CRYL1: variants seen among roughly 807,000 people sequenced by gnomAD.
CRYL1 encodes the protein lambda-crystallin homolog.
In CRYL1, 29 loss-of-function variants were observed where a neutral mutation model predicts 36.6. The observed-to-expected ratio is 0.79, with a 90% CI of 0.59 to 1.08. The LOEUF (loss-of-function observed/expected upper bound fraction) is 1.08, where lower values mean the gene tolerates loss of function less well. CRYL1 is among the 50% of genes least tolerant of loss of function. The probability of loss-of-function intolerance (pLI) is 0.00; values close to 1 mark genes in which losing one functional copy is unlikely to be tolerated. For synonymous variants in CRYL1, 152 were observed against 151.5 expected (o/e 1.00, Z -0.02); for missense variants, 411 against 407.9 (o/e 1.01, Z -0.06).
intron 5 of CRYL1, among the ~76,000 whole-genome samples, chr13:20,417,423 G>A (rs546144020): frequency 1.3e-5 from 2 of 152,268 alleles, no homozygotes; most frequent in Admixed American, 1.3e-4. Flanking sequence ...TGCGGAGATG[G>A]GAACCCTACC....
At chr13:20,426,851 G>A in intron 5 of CRYL1, 6 of 985,442 alleles carry the variant, frequency 6.1e-6, no homozygotes, top group Non-Finnish European at 7.2e-6. Flanking sequence ...CACCCACCCT[G>A]ACAAATCAAG....
intron 4 of CRYL1, among the ~76,000 whole-genome samples, chr13:20,437,163 A>G (rs2032240059): frequency 2.6e-5 from 4 of 151,080 alleles, no homozygotes; most frequent in Non-Finnish European, 5.9e-5. Context: ...GAGAAAGAAT[A>G]AAAAAAGAGA....
intron 3 of CRYL1, among the ~76,000 whole-genome samples, chr13:20,458,436 C>T (rs2032733327): frequency 6.6e-6 from 1 of 152,186 alleles, no homozygotes; most frequent in Non-Finnish European, 1.5e-5. Flanking sequence ...GAAATCTTAA[C>T]ATCTAGACCA....
chr13:20,496,758 T>C (rs2033610848), intron 2 of CRYL1, among the ~76,000 whole-genome samples: 1 of 146,376 alleles, frequency 6.8e-6, no homozygotes, highest in Non-Finnish European at 1.5e-5. Context: ...GGTAGGAGGA[T>C]CACTTGAGCC....
At chr13:20,503,060 C>T (rs1001625627) in intron 2 of CRYL1, among the ~76,000 whole-genome samples, 1 of 152,156 alleles carries the variant, frequency 6.6e-6, no homozygotes, top group Non-Finnish European at 1.5e-5. Context: ...AATCCTGCCG[C>T]CCAGAGTCAA....
intron 3 of CRYL1, among the ~76,000 whole-genome samples, chr13:20,467,058 C>T (rs1407456712): frequency 6.6e-6 from 1 of 151,934 alleles, no homozygotes; most frequent in East Asian, 1.9e-4. Context: ...CACCATTCTC[C>T]TGCCTCAGCC....
intron 3 of CRYL1, among the ~76,000 whole-genome samples, chr13:20,462,419 C>T (rs530172630): frequency 6.6e-6 from 1 of 150,754 alleles, no homozygotes; most frequent in Non-Finnish European, 1.5e-5. Context: ...GCTCTGGAAT[C>T]CAGCCAGGCC....
rs565154350 is a variant in CRYL1, at chr13:20,415,328, C to T, written c.634-1941G>A. Among the ~76,000 whole-genome samples, 4 of 152,256 alleles carry T rather than the reference C, an allele frequency of 2.6e-5. No homozygotes were observed. The South Asian group carries it at 8.3e-4, about 32-fold the overall frequency. ...GAGGTTCCTGGGCCTCCAGGGCAGC[C>T]CCAGGGGTCCCCCGAGAAGCGAGAA... On this transcript the variant is annotated intron_variant, in intron 5 of 7. Transcript: ENST00000298248. The surrounding 1 kb of genome is among the most constrained non-coding windows in gnomAD (Gnocchi z 4.1).
chr13:20,501,904 TTTAA>T (rs2137492079), intron 2 of CRYL1, among the ~76,000 whole-genome samples: 1 of 152,302 alleles, frequency 6.6e-6, no homozygotes, highest in East Asian at 1.9e-4. Flanking sequence ...CACAAAAATC[TTTAA>T]TTAAGTTACT....
intron 1 of CRYL1, among the ~76,000 whole-genome samples, chr13:20,523,388 C>T (rs1369263233): frequency 2.6e-5 from 4 of 151,986 alleles, no homozygotes; most frequent in African/African-American, 7.3e-5. Context: ...AAAAGATCAG[C>T]GGAAAAGAAT....
In CRYL1 at chr13:20,404,014, G is replaced by C; in HGVS notation, c.*115C>G. 2 of 727,052 alleles carry C rather than the reference G, an allele frequency of 2.8e-6. No homozygotes were observed. Among genetic ancestry groups the C allele is most frequent in the South Asian group, 1.7e-5 (1 of 59,738 alleles). 45.0% of individuals were successfully genotyped at this position (727,052 alleles called of 1,614,324 possible). On this transcript the variant is annotated 3_prime_UTR_variant, in exon 8 of 8. Coordinates refer to ENST00000298248, the MANE Select transcript of CRYL1 (RefSeq NM_015974.3). ...CCCCACTCAGGCTGCACACAAGACA[G>C]CCAGCTTAGGATCTCCGTGGGCTGC...
chr13:20,517,622 A>G (rs2034024359), intron 1 of CRYL1, among the ~76,000 whole-genome samples: 1 of 150,964 alleles, frequency 6.6e-6, no homozygotes, highest in Non-Finnish European at 1.5e-5. Flanking sequence ...TAAATTTTGC[A>G]TAGTGAAGTT....
chr13:20,468,810 T>C (rs1467108330), intron 3 of CRYL1, among the ~76,000 whole-genome samples: 2 of 152,168 alleles, frequency 1.3e-5, no homozygotes, highest in Admixed American at 6.5e-5. Flanking sequence ...TTTAACCATG[T>C]TGTCCAGGCT....
chr13:20,460,489 A>C (rs1311352150), intron 3 of CRYL1, among the ~76,000 whole-genome samples: 1 of 145,638 alleles, frequency 6.9e-6, no homozygotes, highest in African/African-American at 2.5e-5. Context: ...CCTATGTCAG[A>C]GGCAAAAATA....
rs1199678856 is a variant in CRYL1, at chr13:20,489,622, C to T, written c.150-126G>A. 3.7e-6 allele frequency: 4 copies of T among 1,089,478 alleles called. No homozygotes were observed. The East Asian group carries it at 9.5e-5, about 26-fold the overall frequency. 67.5% of individuals were successfully genotyped at this position (1,089,478 alleles called of 1,614,324 possible). On this transcript the variant is annotated intron_variant, in intron 2 of 7. Transcript: ENST00000298248. ...CCACAGTGAGATACCACCTCACACC[C>T]ATTAGGGGCTACCAAAAATAGAAAC...
At chr13:20,446,202 C>T (rs1412577183) in intron 3 of CRYL1, among the ~76,000 whole-genome samples, 4 of 152,208 alleles carry the variant, frequency 2.6e-5, no homozygotes, top group Admixed American at 2.0e-4. Context: ...ACCTCCATCT[C>T]CCAGGTTCAA....
At chr13:20,460,570 G>A (rs1330105937) in intron 3 of CRYL1, among the ~76,000 whole-genome samples, 2 of 129,498 alleles carry the variant, frequency 1.5e-5, no homozygotes, top group African/African-American at 5.9e-5. Flanking sequence ...CTGTCGCCCA[G>A]GCTGGAGTGC....
At position 20,432,236 on chromosome 13, in the gene CRYL1, T is replaced by TGTA. The variant is rs1270563773; in HGVS notation, c.498_499insTAC (p.Pro166_Thr167insTyr). On this transcript the variant is annotated inframe_insertion, in exon 5 of 8. Transcript: ENST00000298248. ...AGGGCGTGGGTTCTGTCCACTGTCG[T>TGTA]AGGGGCCGTCTCCGGGTGGGGGACC... The TGTA allele has an allele frequency of 1.9e-6, 3 of 1,613,418 alleles. No homozygotes were observed. Among genetic ancestry groups the TGTA allele is most frequent in the Non-Finnish European group, 2.5e-6 (3 of 1,179,920 alleles).
chr13:20,512,314 G>A (rs1185022974), intron 2 of CRYL1, 129 bp downstream of exon 2: 5 of 643,594 alleles, frequency 7.8e-6, no homozygotes, highest in Non-Finnish European at 1.4e-5. Context: ...CAACTCAGAG[G>A]CACTGCAGTA....
Sources: gnomAD v4.1 joint callset for allele counts (sites outside exome capture counted in the v4.1 genomes callset) on GRCh38, gnomAD v4.1.1 for gene constraint, Gnocchi (gnomAD v3.1) non-coding constraint, MANE v1.5 for transcripts, NCBI Gene and HGNC (gene_info 2026-07-23, HGNC 2026-07-21) for gene names.